The following AFF3 variants were observed in gnomAD, a reference collection of about 807,000 sequenced individuals.
AFF3 encodes the protein ALF transcription elongation factor 3.
In AFF3, 32 loss-of-function variants were observed where a neutral mutation model predicts 129.7. The ratio of observed to expected loss-of-function variants is 0.25; its 90% CI spans 0.19 to 0.33. The LOEUF (loss-of-function observed/expected upper bound fraction) is 0.33, where lower values mean the gene tolerates loss of function less well. AFF3 is among the 10% of genes least tolerant of loss of function. The probability of loss-of-function intolerance (pLI) is 1.00; values close to 1 mark genes in which losing one functional copy is unlikely to be tolerated. For missense variants in AFF3, 1,373 were observed against 1,592.0 expected (o/e 0.86, Z 2.34); for synonymous variants, 644 against 635.4 (o/e 1.01, Z -0.20).
intron 13 of AFF3, among the ~76,000 whole-genome samples, chr2:99,606,117 C>CA (rs1680305806): frequency 6.6e-6 from 1 of 151,972 alleles, no homozygotes; most frequent in Non-Finnish European, 1.5e-5. Flanking sequence ...CTGTCTCTAC[C>CA]AAAAAAACAA....
intron 11 of AFF3, among the ~76,000 whole-genome samples, chr2:99,690,006 G>C (rs1449433316): frequency 6.7e-6 from 1 of 149,594 alleles, no homozygotes; most frequent in Non-Finnish European, 1.5e-5. Context: ...AGAATTGCTT[G>C]AACCTGGGAG....
intron 4 of AFF3, among the ~76,000 whole-genome samples, chr2:100,009,672 GC>G (rs1682331547): frequency 6.6e-6 from 1 of 152,136 alleles, no homozygotes; most frequent in Admixed American, 6.5e-5. Flanking sequence ...TTATGAAGTG[GC>G]CAGGCACCAG....
intron 4 of AFF3, among the ~76,000 whole-genome samples, chr2:100,023,127 G>A (rs1340389084): frequency 2.0e-5 from 3 of 152,184 alleles, no homozygotes; most frequent in African/African-American, 7.2e-5. Context: ...CTGGCTCCCC[G>A]TAAGCACTCA....
intron 8 of AFF3, among the ~76,000 whole-genome samples, chr2:99,776,311 T>A (rs1057180411): frequency 6.6e-6 from 1 of 152,236 alleles, no homozygotes; most frequent in African/African-American, 2.4e-5. Context: ...TCAGTTTGTT[T>A]ACCTAGCACA....
chr2:99,710,540 C>T (rs1389349651), intron 11 of AFF3, among the ~76,000 whole-genome samples: 1 of 152,158 alleles, frequency 6.6e-6, no homozygotes, highest in Non-Finnish European at 1.5e-5. Context: ...AGGCACTGTG[C>T]CTGGCCAGTA....
chr2:99,933,393 C>T (rs1016793538), intron 7 of AFF3, among the ~76,000 whole-genome samples: 1 of 152,106 alleles, frequency 6.6e-6, no homozygotes, highest in Non-Finnish European at 1.5e-5. Context: ...CATAGGTATA[C>T]GTGTGCTTTG....
At chr2:99,890,619 C>G (rs1693477119) in intron 7 of AFF3, among the ~76,000 whole-genome samples, 1 of 152,124 alleles carries the variant, frequency 6.6e-6, no homozygotes. Flanking sequence ...CACTTTCTCC[C>G]AACCAGCACT....
At chr2:99,585,125 G>T (rs544422730) in intron 16 of AFF3, among the ~76,000 whole-genome samples, 1 of 152,146 alleles carries the variant, frequency 6.6e-6, no homozygotes, top group Non-Finnish European at 1.5e-5. Context: ...AAGATAATGC[G>T]AACAGCCTGA....
Position 99,706,052 on chromosome 2 carries a change from AG to A in AFF3, c.1091+21024del, listed in dbSNP as rs1677356924. On this transcript the variant is annotated intron_variant, in intron 11 of 24. Transcript: ENST00000672756. The stretch of plus-strand genomic sequence containing the variant: ...CACACTTAAGCAGAATCCCTGGTAG[AG>A]GGGGCCCAGGAAGCAGCATTTTAAA... Among the ~76,000 whole-genome samples, 7 of 152,138 alleles carry A rather than the reference AG, an allele frequency of 4.6e-5. No homozygotes were observed. The South Asian group carries it at 1.5e-3, about 32-fold the overall frequency.
chr2:99,974,133 T>C (rs1240428405), intron 7 of AFF3, among the ~76,000 whole-genome samples: 2 of 152,244 alleles, frequency 1.3e-5, no homozygotes, highest in African/African-American at 4.8e-5. Context: ...TCATGTAAAA[T>C]GTAGACGTCT....
chr2:99,983,108 G>GT (rs1491404021), intron 7 of AFF3, among the ~76,000 whole-genome samples: 2 of 152,148 alleles, frequency 1.3e-5, no homozygotes, highest in Admixed American at 6.5e-5. Context: ...GAACTCAAGC[G>GT]TAAGAGATTA....
intron 8 of AFF3, among the ~76,000 whole-genome samples, chr2:99,777,947 C>CAA (rs576434643): frequency 3.9e-3 from 190 of 48,314 alleles, no homozygotes; most frequent in East Asian, 7.0e-3. Context: ...AAAGCAAAAG[C>CAA]AAAAAAAAAA....
chr2:100,013,159 A>G (rs1487019210), intron 4 of AFF3, among the ~76,000 whole-genome samples: 2 of 152,184 alleles, frequency 1.3e-5, no homozygotes, highest in African/African-American at 4.8e-5. Flanking sequence ...TTTGTTTTTA[A>G]TCTATAAATT....
intron 18 of AFF3, among the ~76,000 whole-genome samples, chr2:99,576,947 T>A (rs1677057480): frequency 1.3e-5 from 2 of 152,098 alleles, no homozygotes; most frequent in Admixed American, 6.5e-5. Context: ...CCCTGGCTGC[T>A]TGGCAAAGGC....
chr2:100,005,845 T>C (rs1681925081), intron 7 of AFF3, among the ~76,000 whole-genome samples: 1 of 152,084 alleles, frequency 6.6e-6, no homozygotes, highest in Non-Finnish European at 1.5e-5. Flanking sequence ...TTAAATCAAA[T>C]TAAGATACAA....
chr2:99,836,999 G>A (rs1688930004), intron 8 of AFF3, among the ~76,000 whole-genome samples: 1 of 152,176 alleles, frequency 6.6e-6, no homozygotes, highest in South Asian at 2.1e-4. Flanking sequence ...GGCTCACAGA[G>A]GGTGACAGGG....
intron 10 of AFF3, 72 bp from the exon 11 acceptor site, chr2:99,727,200 A>G (rs912036506): frequency 1.2e-5 from 16 of 1,365,728 alleles, no homozygotes; most frequent in Middle Eastern, 1.8e-4. Context: ...GAGATTAAAT[A>G]TATTTCCATG....
chr2:100,121,145 C>A (rs1691948390), intron 2 of AFF3, among the ~76,000 whole-genome samples: 1 of 152,174 alleles, frequency 6.6e-6, no homozygotes, highest in South Asian at 2.1e-4. Context: ...TACCACAGCC[C>A]AAAGTGAGAA....
chr2:99,652,470 T>G (rs754449711), intron 12 of AFF3, among the ~76,000 whole-genome samples: 1 of 152,094 alleles, frequency 6.6e-6, no homozygotes, highest in Non-Finnish European at 1.5e-5. Flanking sequence ...AGAGAAACAC[T>G]GCGGCAGAGT....
Sources: allele counts gnomAD v4.1 joint callset (sites outside exome capture counted in the v4.1 genomes callset), GRCh38; gene constraint gnomAD v4.1.1; transcripts MANE v1.5; gene names NCBI Gene and HGNC (gene_info 2026-07-23, HGNC 2026-07-21).